Variants in DAB1 observed in about 807,000 individuals in gnomAD.
The protein encoded by DAB1 is disabled homolog 1.
DAB1 carries 15 observed loss-of-function variants against 64.6 expected under a neutral mutation model. That is an observed-to-expected ratio of 0.23 (90% confidence interval 0.16 to 0.36). DAB1 has a LOEUF of 0.36. Ranked by LOEUF, DAB1 falls within the 10% of genes least tolerant of loss-of-function variation. The pLI, the probability that DAB1 is intolerant of heterozygous loss-of-function variation, is 1.00. For missense variants in DAB1, 596 were observed against 706.7 expected (o/e 0.84, Z 1.78); for synonymous variants, 235 against 251.9 (o/e 0.93, Z 0.64).
At chr1:57,516,768 G>A (rs1348148149) in intron 7 of DAB1, among the ~76,000 whole-genome samples, 1 of 152,108 alleles carries the variant, frequency 6.6e-6, no homozygotes, top group African/African-American at 2.4e-5. Flanking sequence ...TCACATCTGA[G>A]CCTTGTTCAT....
At chr1:58,040,496 G>T (rs1256202963) in intron 5 of DAB1, among the ~76,000 whole-genome samples, 1 of 152,122 alleles carries the variant, frequency 6.6e-6, no homozygotes, top group Non-Finnish European at 1.5e-5. Flanking sequence ...TCATCCTGGT[G>T]TTTTTTCTTA....
At chr1:57,957,872 T>A (rs184025367) in intron 5 of DAB1, among the ~76,000 whole-genome samples, 91 of 152,296 alleles carry the variant, frequency 6.0e-4, no homozygotes, top group African/African-American at 2.1e-3. Flanking sequence ...AGAATTTTTG[T>A]GAAAACTTGT....
chr1:58,472,966 C>T (rs995947376), intron 3 of DAB1, among the ~76,000 whole-genome samples: 1 of 152,102 alleles, frequency 6.6e-6, no homozygotes, highest in Non-Finnish European at 1.5e-5. Flanking sequence ...AGGAATAAAC[C>T]CACTGCCTTC....
At chr1:58,026,024 CTCT>C (rs1557615187) in intron 5 of DAB1, among the ~76,000 whole-genome samples, 52 of 152,202 alleles carry the variant, frequency 3.4e-4, no homozygotes, top group Non-Finnish European at 6.0e-4. Context: ...CATGCAACTT[CTCT>C]AATAGCTCTC....
At chr1:57,061,493 G>A (rs1650395261) in intron 9 of DAB1, among the ~76,000 whole-genome samples, 1 of 152,176 alleles carries the variant, frequency 6.6e-6, no homozygotes, top group Admixed American at 6.5e-5. Context: ...ATAGCTCCAA[G>A]AATGGTGAGC....
At chr1:57,071,859 A>G (rs1254429722) in intron 5 of DAB1, among the ~76,000 whole-genome samples, 3 of 152,202 alleles carry the variant, frequency 2.0e-5, no homozygotes, top group Admixed American at 6.5e-5. Flanking sequence ...CATAATAATC[A>G]TAAGCATAAA....
At chr1:57,935,814 G>A (rs576087411) in intron 5 of DAB1, among the ~76,000 whole-genome samples, 6 of 152,286 alleles carry the variant, frequency 3.9e-5, no homozygotes, top group Admixed American at 6.5e-5. Flanking sequence ...GCTCCCTGAC[G>A]GATCAGGCTG....
chr1:57,615,354 C>T (rs1157337101), intron 7 of DAB1, among the ~76,000 whole-genome samples: 1 of 152,114 alleles, frequency 6.6e-6, no homozygotes, highest in African/African-American at 2.4e-5. Flanking sequence ...TGCTGTCTTG[C>T]TTTTTCTTCT....
chr1:57,021,555 C>A (rs1646622325), intron 11 of DAB1, among the ~76,000 whole-genome samples: 1 of 152,178 alleles, frequency 6.6e-6, no homozygotes. Context: ...CCATGTAAGA[C>A]ATTCCTTTGC....
chr1:57,102,258 C>T (rs185050572), intron 4 of DAB1, among the ~76,000 whole-genome samples: 7 of 152,266 alleles, frequency 4.6e-5, no homozygotes, highest in Admixed American at 3.9e-4. Flanking sequence ...AAACAATTGC[C>T]ACATACATTG....
chr1:57,117,017 C>A (rs565792031), intron 4 of DAB1, among the ~76,000 whole-genome samples: 1 of 152,170 alleles, frequency 6.6e-6, no homozygotes, highest in Non-Finnish European at 1.5e-5. Flanking sequence ...AAGACAGTCA[C>A]AGATCTTCTA....
At chr1:58,093,349 T>C (rs1209861567) in intron 5 of DAB1, among the ~76,000 whole-genome samples, 1 of 152,060 alleles carries the variant, frequency 6.6e-6, no homozygotes, top group African/African-American at 2.4e-5. Flanking sequence ...TCCAAGGCCA[T>C]GGATTAGTAT....
intron 5 of DAB1, among the ~76,000 whole-genome samples, chr1:57,965,785 G>T (rs1645649177): frequency 6.6e-6 from 1 of 152,124 alleles, no homozygotes; most frequent in Non-Finnish European, 1.5e-5. Context: ...AATCTTTAGG[G>T]GAGGTAGACA....
intron 7 of DAB1, among the ~76,000 whole-genome samples, chr1:57,538,994 A>G (rs1644763603): frequency 6.6e-6 from 1 of 152,208 alleles, no homozygotes; most frequent in Non-Finnish European, 1.5e-5. Flanking sequence ...CAGCCTTAGC[A>G]TTTCAATTGT....
At chr1:57,511,650 G>A (rs781053838) in intron 7 of DAB1, among the ~76,000 whole-genome samples, 1 of 152,080 alleles carries the variant, frequency 6.6e-6, no homozygotes, top group Non-Finnish European at 1.5e-5. Flanking sequence ...AGCTCCATGA[G>A]GGCAAGACCT....
chr1:58,239,931 CT>C (rs1419025669), intron 4 of DAB1, among the ~76,000 whole-genome samples: 1 of 152,240 alleles, frequency 6.6e-6, no homozygotes, highest in African/African-American at 2.4e-5. Context: ...ATTCTCTTCC[CT>C]GCATTTCCCC....
Position 57,845,834 on chromosome 1 carries a change from C to T in DAB1, n.88-19379G>A, listed in dbSNP as rs562034021. 3.9e-5 allele frequency among the ~76,000 whole-genome samples: 6 copies of T among 152,318 alleles called. No individual in the cohort carries two copies. The South Asian group carries it at 1.2e-3, about 32-fold the overall frequency. ...CTTCCTATAACTTTTACCCATTGTA[C>T]TTAGCCCTGCCATCTAAAGCCAAAC... On this transcript the variant is annotated intron_variant and non_coding_transcript_variant, in intron 1 of 1. Coordinates refer to the DAB1 transcript ENST00000477280.
chr1:58,526,109 C>T (rs558238614), intron 2 of DAB1, among the ~76,000 whole-genome samples: 1 of 152,050 alleles, frequency 6.6e-6, no homozygotes. Context: ...GATTTCCTAA[C>T]CAGAACACAG....
chr1:57,546,066 AGTGT>A (rs61208960), intron 7 of DAB1, among the ~76,000 whole-genome samples: 2,707 of 147,354 alleles, frequency 0.018, 63 homozygotes, highest in South Asian at 0.1. Context: ...AGCAGAGGGG[AGTGT>A]GTGTGTGTGT....
Sources: allele counts gnomAD v4.1 joint callset (sites outside exome capture counted in the v4.1 genomes callset), GRCh38; gene constraint gnomAD v4.1.1; transcripts MANE v1.5; gene names NCBI Gene and HGNC (gene_info 2026-07-23, HGNC 2026-07-21).